The following GRID2 variants were observed in gnomAD, a reference collection of about 807,000 sequenced individuals.
GRID2 encodes glutamate receptor ionotropic, delta-2.
GRID2 carries 33 observed loss-of-function variants against 114.8 expected under a neutral mutation model. That is an observed-to-expected ratio of 0.29 (90% CI 0.22 to 0.38). The LOEUF is 0.38. GRID2 is among the 10% of genes least tolerant of loss of function. The probability of loss-of-function intolerance (pLI) is 1.00; values close to 1 mark genes in which losing one functional copy is unlikely to be tolerated. For synonymous variants in GRID2, 505 were observed against 449.9 expected (o/e 1.12, Z -1.55); for missense variants, 1,184 against 1,257.7 (o/e 0.94, Z 0.89).
intron 13 of GRID2, among the ~76,000 whole-genome samples, chr4:93,576,300 C>G (rs1190398414): frequency 6.6e-6 from 1 of 152,182 alleles, no homozygotes; most frequent in Non-Finnish European, 1.5e-5. Flanking sequence ...GTGAATTTTA[C>G]TGCCTTATGG....
At chr4:93,260,419 CA>C (rs1218043322) in intron 8 of GRID2, among the ~76,000 whole-genome samples, 4 of 150,678 alleles carry the variant, frequency 2.7e-5, no homozygotes, top group Non-Finnish European at 5.9e-5. Context: ...ATTAAAATAA[CA>C]AGATAAATAT....
intron 13 of GRID2, among the ~76,000 whole-genome samples, chr4:93,582,625 T>C (rs913870101): frequency 6.6e-6 from 1 of 152,174 alleles, no homozygotes; most frequent in African/African-American, 2.4e-5. Flanking sequence ...CTAAAATAAA[T>C]ATAATTTCTG....
intron 2 of GRID2, among the ~76,000 whole-genome samples, chr4:92,891,548 C>G (rs918690337): frequency 2.0e-5 from 3 of 152,072 alleles, no homozygotes; most frequent in African/African-American, 7.2e-5. Flanking sequence ...AGGTTGTCAC[C>G]TAGAGCTGAG....
intron 1 of GRID2, among the ~76,000 whole-genome samples, chr4:92,568,805 T>C (rs759045548): frequency 2.6e-5 from 4 of 151,994 alleles, no homozygotes; most frequent in Non-Finnish European, 5.9e-5. Context: ...CTCCAACTTA[T>C]AAGTGAGAAT....
chr4:93,456,011 A>C, intron 11 of GRID2, 37 bp downstream of exon 11: 5 of 1,181,554 alleles, frequency 4.2e-6, no homozygotes, highest in South Asian at 1.2e-5. Context: ...TTTAAAAAAA[A>C]TAGAATGTGA....
chr4:93,544,125 C>A (rs982324985), intron 13 of GRID2, among the ~76,000 whole-genome samples: 3 of 152,028 alleles, frequency 2.0e-5, no homozygotes, highest in Admixed American at 1.3e-4. Context: ...GTTCTGAGAC[C>A]AGCTCTCCCA....
intron 11 of GRID2, among the ~76,000 whole-genome samples, chr4:93,488,644 A>C (rs1354740900): frequency 6.6e-6 from 1 of 151,934 alleles, no homozygotes; most frequent in Non-Finnish European, 1.5e-5. Context: ...TAGTCTAATA[A>C]TATTGCCATA....
intron 2 of GRID2, among the ~76,000 whole-genome samples, chr4:92,729,394 A>G (rs1214040033): frequency 3.9e-5 from 6 of 151,964 alleles, no homozygotes; most frequent in Non-Finnish European, 7.4e-5. Context: ...TTTTTGGAGT[A>G]TTACCTGTGT....
intron 2 of GRID2, among the ~76,000 whole-genome samples, chr4:92,685,101 C>T (rs886571807): frequency 2.0e-5 from 3 of 151,698 alleles, no homozygotes; most frequent in African/African-American, 4.8e-5. Flanking sequence ...AAATCTTACT[C>T]GAGGCAGCTA....
At chr4:92,612,357 T>C (rs908096820) in intron 2 of GRID2, among the ~76,000 whole-genome samples, 1 of 151,510 alleles carries the variant, frequency 6.6e-6, no homozygotes, top group African/African-American at 2.4e-5. Context: ...TGTAGCTTTA[T>C]GGCAAGTTTT....
chr4:93,188,617 C>G (rs2149444454), intron 4 of GRID2, among the ~76,000 whole-genome samples: 1 of 152,260 alleles, frequency 6.6e-6, no homozygotes, highest in East Asian at 1.9e-4. Flanking sequence ...CCTTGGTGTT[C>G]TCTATTTTTC....
At chr4:93,753,345 T>A (rs1225058757) in intron 14 of GRID2, among the ~76,000 whole-genome samples, 2 of 152,060 alleles carry the variant, frequency 1.3e-5, no homozygotes, top group Admixed American at 6.6e-5. Context: ...AAAAATTCTT[T>A]TTATTATTAT....
At chr4:93,019,297 C>T (rs1242979803) in intron 2 of GRID2, among the ~76,000 whole-genome samples, 1 of 152,144 alleles carries the variant, frequency 6.6e-6, no homozygotes, top group Non-Finnish European at 1.5e-5. Context: ...TTATTACTTA[C>T]ATTTGCTTCT....
chr4:92,587,688 A>T (rs1728513709), intron 1 of GRID2, among the ~76,000 whole-genome samples: 1 of 152,170 alleles, frequency 6.6e-6, no homozygotes, highest in African/African-American at 2.4e-5. Context: ...CAGAAAGATG[A>T]ACTGTTTCTT....
chr4:92,458,313 G>T (rs765873929), intron 1 of GRID2, among the ~76,000 whole-genome samples: 1 of 152,198 alleles, frequency 6.6e-6, no homozygotes, highest in Non-Finnish European at 1.5e-5. Context: ...ACTTAATTAA[G>T]TCTGTGACCT....
At chr4:93,711,671 G>A (rs1049303909) in intron 14 of GRID2, among the ~76,000 whole-genome samples, 7 of 152,110 alleles carry the variant, frequency 4.6e-5, no homozygotes, top group African/African-American at 1.7e-4. Flanking sequence ...CACCATGACA[G>A]GGTAGCACTG....
At chr4:93,437,487 T>C (rs1307861591) in intron 10 of GRID2, among the ~76,000 whole-genome samples, 1 of 152,066 alleles carries the variant, frequency 6.6e-6, no homozygotes, top group East Asian at 1.9e-4. Flanking sequence ...TAAACCTGCA[T>C]ATTTGAAGAA....
chr4:93,152,510 A>G (rs996752654), intron 4 of GRID2, among the ~76,000 whole-genome samples: 1 of 152,172 alleles, frequency 6.6e-6, no homozygotes, highest in African/African-American at 2.4e-5. Flanking sequence ...AAATATTTAT[A>G]ATTAACCACA....
chr4:92,781,366 G>T (rs1739065860), intron 2 of GRID2, among the ~76,000 whole-genome samples: 1 of 151,980 alleles, frequency 6.6e-6, no homozygotes, highest in African/African-American at 2.4e-5. Flanking sequence ...CAAATGTGTG[G>T]ATACAAATCA....
Sources: allele counts gnomAD v4.1 joint callset (sites outside exome capture counted in the v4.1 genomes callset), GRCh38; gene constraint gnomAD v4.1.1; transcripts MANE v1.5; gene names NCBI Gene and HGNC (gene_info 2026-07-23, HGNC 2026-07-21).